FAM9A: variants seen among roughly 807,000 people sequenced by gnomAD.
FAM9A encodes family with sequence similarity 9 member A, also known as protein FAM9A.
Under a neutral mutation model 25.0 loss-of-function variants are expected in FAM9A, and 49 were observed. The observed-to-expected ratio is 1.96, with a 90% CI of 1.56 to 2.48. The LOEUF is 2.48. Among genes scored for constraint, FAM9A ranks in the 30% most tolerant of loss-of-function variants. The pLI, the probability that FAM9A is intolerant of heterozygous loss-of-function variation, is 0.00. For synonymous variants in FAM9A, 80 were observed against 85.1 expected (o/e 0.94, Z 0.33); for missense variants, 266 against 249.3 (o/e 1.07, Z -0.45).
In FAM9A at chrX:8,791,099, A is replaced by C; in HGVS notation, c.*105T>G. Reference sequence around the variant, plus strand: ...AAGTTGTGCTCGTATCATATAACATAGGTTCAAGTTCTTTCTTCAGTCATC... The same window carrying C: ...AAGTTGTGCTCGTATCATATAACATCGGTTCAAGTTCTTTCTTCAGTCATC... On this transcript the variant is annotated 3_prime_UTR_variant, in exon 10 of 10. Transcript: ENST00000381003. 2.8e-6 allele frequency: 1 copy of C among 361,687 alleles called. No individual in the cohort carries two copies. Among genetic ancestry groups the C allele is most frequent in the Non-Finnish European group, 4.8e-6 (1 of 207,884 alleles). 29.8% of individuals were successfully genotyped at this position (361,687 alleles called of 1,213,427 possible). A position where few individuals can be genotyped will look rare whatever the true frequency, so the allele number is the denominator to read the frequency against.
In FAM9A at chrX:8,791,253, TTTTAA is replaced by T. The variant is rs1933466800; in HGVS notation, c.*31+22_*31+26del. 13 of 1,021,423 alleles carry T rather than the reference TTTTAA, an allele frequency of 1.3e-5. No individual in the cohort carries two copies. The African/African-American group carries it at 2.3e-4, about 18-fold the overall frequency. 84.2% of individuals were successfully genotyped at this position (1,021,423 alleles called of 1,213,427 possible). On this transcript the variant is annotated intron_variant, in intron 9 of 9. Transcript: ENST00000381003. ...TCCAGTGCTTACATCAATCCTGAGTTTTTAAACTTAAATATGCACTACTTACAGTT... is the reference window on the plus strand; with the variant it reads ...TCCAGTGCTTACATCAATCCTGAGTTACTTAAATATGCACTACTTACAGTT...
chrX:8,798,238 G>A, intron 4 of FAM9A, 57 bp from the exon 5 acceptor site: 1 of 1,202,003 alleles, frequency 8.3e-7, no homozygotes, highest in Non-Finnish European at 1.1e-6. Flanking sequence ...TGCCATGTTT[G>A]TTGGGAAGAT....
At position 8,796,362 on chromosome X, in the gene FAM9A, C is replaced by A; in HGVS notation, c.394G>T (p.Ala132Ser). 1 of 1,192,908 alleles carries A rather than the reference C, an allele frequency of 8.4e-7. No homozygotes were observed. The change falls in exon 6 of 10, where the codon GCT (alanine) becomes TCT (serine). Residue 132 changes from alanine (A) to serine (S), a missense_variant. Coordinates refer to ENST00000381003, the MANE Select transcript of FAM9A (RefSeq NM_174951.3). ...HIAADIKKGL[A>S]AKREMIKIDK... ...ATTTTTATCATTTCTCTTTTTGCAG[C>A]AAGGCCCTTTTTAATGTCAGCTAGA...
Position 8,796,281 on chromosome X carries a change from T to G in FAM9A, c.475A>C (p.Lys159Gln), listed in dbSNP as rs779755580. ...CAACAATCATACCTTTTTAGTTGTT[T>G]TTTTTTCAAAGCACGTTCAATTGTG... ...KNTIERALKK[K>Q]QLKRQKRDYR... Residue 159 changes from lysine to glutamine, a missense_variant, in exon 6 of 10, where the codon AAA becomes CAA. Transcript: ENST00000381003. 1 of 1,191,888 alleles carries G rather than the reference T, an allele frequency of 8.4e-7. No individual in the cohort carries two copies.
intron 2 of FAM9A, among the ~76,000 whole-genome samples, chrX:8,799,342 G>A (rs1301904886): frequency 1.8e-5 from 2 of 110,187 alleles, no homozygotes; most frequent in Non-Finnish European, 3.8e-5. Context: ...GGATCCTTGC[G>A]GTGTCCCTGG....
intron 8 of FAM9A, among the ~76,000 whole-genome samples, chrX:8,793,056 A>T (rs1933487973): frequency 8.9e-6 from 1 of 112,447 alleles, no homozygotes; most frequent in South Asian, 3.7e-4. Flanking sequence ...TGAATATGCC[A>T]TAAAACACTC....
At position 8,798,485 on chromosome X, in the gene FAM9A, T is replaced by C. The variant is rs1360240785; in HGVS notation, c.221-6A>G. 9.9e-6 allele frequency: 12 copies of C among 1,207,166 alleles called. No homozygotes were observed. Among genetic ancestry groups the C allele is most frequent in the Admixed American group, 2.2e-5 (1 of 44,846 alleles). On this transcript the variant is annotated splice_region_variant and splice_polypyrimidine_tract_variant and intron_variant, in intron 3 of 9. Transcript: ENST00000381003. ...ATCACGGACTGGATCCTTTCCTGCA[T>C]TAAAATGTAAAAGACAAACCATTTT... is the stretch of plus-strand genomic sequence containing the variant.
At position 8,799,001 on chromosome X, in the gene FAM9A, G is replaced by A. The variant is rs370041103; in HGVS notation, c.185C>T (p.Ala62Val). ...CTTCGCCGGGGCGGCCCTAACTTGA[G>A]CTTCCAACTGAGCTTTGGCAGCCTT... ...SRKAAKAQLE[A>V]QVRAAPAKKH... Residue 62 changes from alanine (A) to valine (V), a missense_variant, in exon 3 of 10, where the codon GCT becomes GTT. Coordinates refer to ENST00000381003, the MANE Select transcript of FAM9A (RefSeq NM_174951.3). 8.3e-7 allele frequency: 1 copy of A among 1,211,875 alleles called. No individual in the cohort carries two copies. Among genetic ancestry groups the A allele is most frequent in the African/African-American group, 1.7e-5 (1 of 57,786 alleles).
chrX:8,796,147 A>G, intron 6 of FAM9A, 121 bp downstream of exon 6: 1 of 536,596 alleles, frequency 1.9e-6, no homozygotes, highest in South Asian at 3.1e-5. Context: ...GGAACAATCA[A>G]GTAAAATATG....
intron 2 of FAM9A, among the ~76,000 whole-genome samples, 175 bp from the exon 3 acceptor site, chrX:8,799,269 A>G (rs1160942485): frequency 1.8e-5 from 2 of 111,220 alleles, no homozygotes; most frequent in Non-Finnish European, 3.8e-5. Context: ...TGGCCCGTCC[A>G]GCCCCTCCCT....
intron 5 of FAM9A, among the ~76,000 whole-genome samples, chrX:8,797,947 AT>A (rs1933551740): frequency 8.9e-6 from 1 of 112,141 alleles, no homozygotes; most frequent in South Asian, 3.7e-4. Flanking sequence ...TGTTAGAAGC[AT>A]TCTCACATTC....
In FAM9A at chrX:8,798,478, T is replaced by C; in HGVS notation, c.222A>G (p.Gly74=). 23 of 1,207,985 alleles carry C rather than the reference T, an allele frequency of 1.9e-5. No homozygotes were observed. Among genetic ancestry groups the C allele is most frequent in the Non-Finnish European group, 2.6e-5 (23 of 894,644 alleles). Residue 74 remains glycine (G), a splice_region_variant and synonymous_variant, in exon 4 of 10, where the codon GGA becomes GGG. Transcript: ENST00000381003. ...CACATTCATCACGGACTGGATCCTTTCCTGCATTAAAATGTAAAAGACAAA... is the reference window on the plus strand; with the variant it reads ...CACATTCATCACGGACTGGATCCTTCCCTGCATTAAAATGTAAAAGACAAA... ...VRAAPAKKHT[G]KDPVRDECEE...
chrX:8,800,186 G>A lies in FAM9A; in HGVS notation c.-15C>T, dbSNP rs1933590852. ...ACGGGCTCCATGGTTGGCTGTCCTG[G>A]GAAGTTAGAGGCGATCCCTGAACCT... is the stretch of plus-strand genomic sequence containing the variant. On this transcript the variant is annotated 5_prime_UTR_variant, in exon 2 of 10. Coordinates refer to ENST00000381003, the MANE Select transcript of FAM9A (RefSeq NM_174951.3). 8.3e-7 allele frequency: 1 copy of A among 1,203,960 alleles called. No homozygotes were observed. Among genetic ancestry groups the A allele is most frequent in the Non-Finnish European group, 1.1e-6 (1 of 890,505 alleles).
Position 8,799,054 on chromosome X carries a change from C to T in FAM9A, c.132G>A (p.Met44Ile). Residue 44 changes from methionine to isoleucine, a missense_variant, in exon 3 of 10, where the codon ATG (methionine) becomes ATA (isoleucine). By Grantham distance (10) the Met-to-Ile change is conservative. Coordinates refer to ENST00000381003, the MANE Select transcript of FAM9A (RefSeq NM_174951.3). ...IASNFPGQPTMEPVGRKRSRK... is the reference protein window; with the variant it reads ...IASNFPGQPTIEPVGRKRSRK... The stretch of plus-strand genomic sequence containing the variant: ...TGCTGCGCTTCCTGCCCACGGGCTC[C>T]ATGGTTGGCTGTCCTGGGAAGTTAG... 1 of 1,212,127 alleles carries T rather than the reference C, an allele frequency of 8.2e-7. No individual in the cohort carries two copies. The highest frequency in any genetic ancestry group is 1.1e-6 in the Non-Finnish European group (1 of 895,448).
intron 8 of FAM9A, among the ~76,000 whole-genome samples, chrX:8,791,923 T>G (rs1933474981): frequency 8.9e-6 from 1 of 111,942 alleles, no homozygotes; most frequent in Admixed American, 9.5e-5. Flanking sequence ...GCACAATCTC[T>G]TCCATAATCC....
At chrX:8,800,697 C>T (rs1221325891) in intron 1 of FAM9A, among the ~76,000 whole-genome samples, 2 of 91,244 alleles carry the variant, frequency 2.2e-5, no homozygotes, top group African/African-American at 8.1e-5. Context: ...CTGCTTGTCG[C>T]CTCCCCACAC....
In FAM9A at chrX:8,800,559, G is replaced by A. The variant is rs762886188; in HGVS notation, c.-38-350C>T. Reference sequence around the variant, plus strand: ...CAGGACCTCCCCAGCCATCTCTGGGGGAATGTCAGGGGCTGCACTGCCACT... The same window carrying A: ...CAGGACCTCCCCAGCCATCTCTGGGAGAATGTCAGGGGCTGCACTGCCACT... On this transcript the variant is annotated intron_variant, in intron 1 of 9. Transcript: ENST00000381003. 4.1e-3 allele frequency among the ~76,000 whole-genome samples: 445 copies of A among 109,762 alleles called. 3 individuals carry two copies. The highest frequency in any genetic ancestry group is 5.9e-3 in the Non-Finnish European group (306 of 51,861).
At chrX:8,800,618 C>A (rs1933596041) in intron 1 of FAM9A, among the ~76,000 whole-genome samples, 1 of 109,627 alleles carries the variant, frequency 9.1e-6, no homozygotes, top group Admixed American at 9.6e-5. Flanking sequence ...CCCCTCGTGA[C>A]CCCAAGTGTC....
intron 5 of FAM9A, 41 bp from the exon 6 acceptor site, chrX:8,796,423 A>C (rs1278578321): frequency 2.1e-6 from 2 of 931,567 alleles, no homozygotes; most frequent in African/African-American, 3.9e-5. Flanking sequence ...TAATGTTGAA[A>C]AGTGGTTTCT....
Sources: allele counts gnomAD v4.1 joint callset (sites outside exome capture counted in the v4.1 genomes callset), GRCh38; gene constraint gnomAD v4.1.1; transcripts MANE v1.5; gene names NCBI Gene and HGNC (gene_info 2026-07-23, HGNC 2026-07-21).